The following EXT2 variants were observed in gnomAD, a reference collection of about 807,000 sequenced individuals.
EXT2 encodes exostosin-2.
Under a neutral mutation model 81.6 loss-of-function variants are expected in EXT2, and 53 were observed. The ratio of observed to expected loss-of-function variants is 0.65; its 90% CI spans 0.52 to 0.82. EXT2 has a LOEUF of 0.82. Ranked by LOEUF, EXT2 falls within the 40% of genes least tolerant of loss-of-function variation. The pLI, the probability that EXT2 is intolerant of heterozygous loss-of-function variation, is 0.00. For synonymous variants in EXT2, 320 were observed against 340.0 expected, an observed-to-expected ratio of 0.94 and a Z score of 0.65; for missense variants, 774 against 910.2, an observed-to-expected ratio of 0.85 and a Z score of 1.93.
At chr11:44,215,817 C>T (rs921821348) in intron 10 of EXT2, among the ~76,000 whole-genome samples, 2 of 151,118 alleles carry the variant, frequency 1.3e-5, no homozygotes, top group African/African-American at 4.9e-5. Flanking sequence ...GCTGTTGCCC[C>T]AAAGAATTTT....
Position 44,226,392 on chromosome 11 carries a change from A to G in EXT2, c.1663-5961A>G, listed in dbSNP as rs187132838. On this transcript the variant is annotated intron_variant, in intron 10 of 13. Coordinates refer to ENST00000533608, the MANE Select transcript of EXT2 (RefSeq NM_207122.2). ...AAACTAGTCAGCATTAGGGAACTCT[A>G]CATGACAACTTCTGGGCTCCTTGGC... Among the ~76,000 whole-genome samples the G allele has an allele frequency of 8.5e-5, 13 of 152,334 alleles. No homozygotes were observed. The East Asian group carries it at 1.9e-3, about 23-fold the overall frequency.
At chr11:44,114,387 C>G in intron 4 of EXT2, 86 bp downstream of exon 4, 1 of 1,176,624 alleles carries the variant, frequency 8.5e-7, no homozygotes, top group Non-Finnish European at 1.3e-6. Flanking sequence ...ATCAAAGCAA[C>G]CAATACATCA....
chr11:44,168,338 A>G (rs1437777163), intron 7 of EXT2, among the ~76,000 whole-genome samples: 1 of 152,208 alleles, frequency 6.6e-6, no homozygotes, highest in Non-Finnish European at 1.5e-5. Flanking sequence ...AATAAGAGAT[A>G]CATGAGATAT....
intron 7 of EXT2, among the ~76,000 whole-genome samples, chr11:44,166,947 A>T (rs1013059593): frequency 6.6e-6 from 1 of 152,362 alleles, no homozygotes. Flanking sequence ...AGAAAAAATT[A>T]TAAAAGTTTA....
chr11:44,100,810 T>C (rs1204535206), intron 1 of EXT2, among the ~76,000 whole-genome samples: 1 of 152,178 alleles, frequency 6.6e-6, no homozygotes, highest in Non-Finnish European at 1.5e-5. Context: ...CCCTGAGACC[T>C]GGATGGAGAT....
intron 4 of EXT2, among the ~76,000 whole-genome samples, chr11:44,124,131 T>A (rs890153551): frequency 6.6e-6 from 1 of 152,256 alleles, no homozygotes; most frequent in Non-Finnish European, 1.5e-5. Flanking sequence ...ATGTTAAGAC[T>A]GGAGATTCTA....
At chr11:44,097,427 C>T (rs74600940) in intron 1 of EXT2, among the ~76,000 whole-genome samples, 5 of 152,130 alleles carry the variant, frequency 3.3e-5, no homozygotes, top group East Asian at 1.9e-4. Flanking sequence ...CTCTGTTTTT[C>T]GGAATGGTTG....
At position 44,109,300 on chromosome 11, in the gene EXT2, G is replaced by C. The variant is rs1309043566; in HGVS notation, c.626+17G>C. The C allele has an allele frequency of 5.0e-6, 8 of 1,606,092 alleles. No individual in the cohort carries two copies. The highest frequency in any genetic ancestry group is 6.8e-6 in the Non-Finnish European group (8 of 1,172,818). ...CAGAGACAGGTAGGAGGCATATTTG[G>C]GGCTGTCCTTATGATGGGTTCAAGA... On this transcript the variant is annotated intron_variant, in intron 3 of 13. Transcript: ENST00000533608.
At chr11:44,187,000 TC>T (rs1179108240) in intron 8 of EXT2, among the ~76,000 whole-genome samples, 19 of 130,636 alleles carry the variant, frequency 1.5e-4, no homozygotes, top group African/African-American at 5.6e-4. Context: ...CTTCCTTCCT[TC>T]CTTCCTTCCT....
intron 8 of EXT2, among the ~76,000 whole-genome samples, chr11:44,177,517 C>G (rs890171339): frequency 1.3e-5 from 2 of 152,222 alleles, no homozygotes; most frequent in African/African-American, 4.8e-5. Context: ...AGGACAGAGA[C>G]AGAGACAAGT....
chr11:44,131,423 C>T (rs1236426602), intron 7 of EXT2, among the ~76,000 whole-genome samples: 1 of 152,184 alleles, frequency 6.6e-6, no homozygotes, highest in Non-Finnish European at 1.5e-5. Flanking sequence ...CTGTGGGTTA[C>T]AAACTCTGTA....
intron 8 of EXT2, among the ~76,000 whole-genome samples, chr11:44,188,327 C>A (rs1389352841): frequency 8.5e-5 from 13 of 152,138 alleles, no homozygotes. Context: ...GCCCATCCAA[C>A]TCTCACAAGA....
intron 8 of EXT2, among the ~76,000 whole-genome samples, chr11:44,177,769 C>G (rs1236888507): frequency 2.0e-5 from 3 of 151,862 alleles, no homozygotes; most frequent in African/African-American, 4.8e-5. Context: ...TAAAGATACC[C>G]CAGATTTTTT....
At chr11:44,219,620 T>C (rs11037904) in intron 10 of EXT2, among the ~76,000 whole-genome samples, 3,929 of 152,266 alleles carry the variant, frequency 0.026, 181 homozygotes, top group African/African-American at 0.089. Context: ...TTCCAGAATC[T>C]TAAATATGAA....
intron 3 of EXT2, among the ~76,000 whole-genome samples, chr11:44,113,558 T>A (rs1459638383): frequency 6.6e-6 from 1 of 152,244 alleles, no homozygotes; most frequent in East Asian, 1.9e-4. Flanking sequence ...AATTCTAGGT[T>A]CTGCTTCCTG....
intron 3 of EXT2, among the ~76,000 whole-genome samples, chr11:44,113,591 A>G (rs973695724): frequency 1.3e-5 from 2 of 152,154 alleles, no homozygotes; most frequent in Non-Finnish European, 2.9e-5. Context: ...GGTTAATAAG[A>G]CTAAGTAGCT....
chr11:44,228,910 C>T (rs530639747), intron 10 of EXT2, among the ~76,000 whole-genome samples: 138 of 151,956 alleles, frequency 9.1e-4, no homozygotes, highest in African/African-American at 3.2e-3. Context: ...CTAGGGAAAG[C>T]GATTTGAACT....
intron 6 of EXT2, among the ~76,000 whole-genome samples, chr11:44,128,011 T>C (rs1454992649): frequency 6.6e-6 from 1 of 152,250 alleles, no homozygotes; most frequent in Non-Finnish European, 1.5e-5. Flanking sequence ...ATTCCATTCA[T>C]ATCTATCTCT....
At chr11:44,236,599 A>C (rs1229264168) in intron 13 of EXT2, among the ~76,000 whole-genome samples, 1 of 152,230 alleles carries the variant, frequency 6.6e-6, no homozygotes, top group Non-Finnish European at 1.5e-5. Flanking sequence ...TCTTAAAAAT[A>C]TAGTGGGCCT....
Sources: gnomAD v4.1 joint callset for allele counts (sites outside exome capture counted in the v4.1 genomes callset) on GRCh38, gnomAD v4.1.1 for gene constraint, MANE v1.5 for transcripts, NCBI Gene and HGNC (gene_info 2026-07-23, HGNC 2026-07-21) for gene names.